RAPGEF2: variants seen among roughly 807,000 people sequenced by gnomAD.
RAPGEF2 encodes Rap guanine nucleotide exchange factor 2.
RAPGEF2 carries 54 observed loss-of-function variants against 186.7 expected under a neutral mutation model. The ratio of observed to expected loss-of-function variants is 0.29; its 90% CI spans 0.23 to 0.36. The LOEUF is 0.36. Ranked by LOEUF, RAPGEF2 falls within the 10% of genes least tolerant of loss-of-function variation. RAPGEF2 has a pLI of 1.00. For missense variants in RAPGEF2, 1,532 were observed against 2,045.0 expected, an observed-to-expected ratio of 0.75 and a Z score of 4.84; for synonymous variants, 712 against 705.9, an observed-to-expected ratio of 1.01 and a Z score of -0.14.
intron 8 of RAPGEF2, among the ~76,000 whole-genome samples, chr4:159,308,930 CAG>C (rs1763628247): frequency 6.6e-6 from 1 of 152,040 alleles, no homozygotes; most frequent in African/African-American, 2.4e-5. Flanking sequence ...ATAATAGTTG[CAG>C]AGAGTAGGAG....
intron 1 of RAPGEF2, among the ~76,000 whole-genome samples, chr4:159,119,620 A>T (rs1361897908): frequency 6.6e-6 from 1 of 152,212 alleles, no homozygotes; most frequent in Non-Finnish European, 1.5e-5. Flanking sequence ...AGCTACGGTT[A>T]TGGAATGCAG....
intron 4 of RAPGEF2, among the ~76,000 whole-genome samples, chr4:159,211,534 A>G (rs1321456050): frequency 6.6e-6 from 1 of 152,176 alleles, no homozygotes; most frequent in East Asian, 1.9e-4. Flanking sequence ...AAATATTCTG[A>G]CTGGGTCAGG....
intron 24 of RAPGEF2, among the ~76,000 whole-genome samples, chr4:159,345,837 C>T (rs1730219103): frequency 6.6e-6 from 1 of 151,874 alleles, no homozygotes; most frequent in Admixed American, 6.5e-5. Flanking sequence ...TCTGGTTAAT[C>T]TATAAATGGG....
intron 1 of RAPGEF2, among the ~76,000 whole-genome samples, chr4:159,170,241 G>C (rs13139868): frequency 8.4e-4 from 128 of 151,890 alleles, no homozygotes; most frequent in Non-Finnish European, 1.4e-3. Context: ...TTCCTATTTT[G>C]AAATTGGGTT....
At chr4:159,282,688 G>A in intron 7 of RAPGEF2, 1 of 441,748 alleles carries the variant, frequency 2.3e-6, no homozygotes, top group Non-Finnish European at 4.5e-6. Flanking sequence ...GTTAACCTTT[G>A]CTTAAGAAAT....
intron 1 of RAPGEF2, among the ~76,000 whole-genome samples, chr4:159,181,213 G>C (rs1746975024): frequency 6.6e-6 from 1 of 152,144 alleles, no homozygotes; most frequent in African/African-American, 2.4e-5. Context: ...GTAGAAACTT[G>C]ATTATTTCAA....
At chr4:159,105,173 G>A (rs966255591) in intron 1 of RAPGEF2, among the ~76,000 whole-genome samples, 1 of 152,186 alleles carries the variant, frequency 6.6e-6, no homozygotes, top group Non-Finnish European at 1.5e-5. Context: ...GTTGCTGACT[G>A]GATAATGACG....
chr4:159,292,558 A>G (rs1436403241), intron 7 of RAPGEF2, among the ~76,000 whole-genome samples: 1 of 152,318 alleles, frequency 6.6e-6, no homozygotes, highest in African/African-American at 2.4e-5. Flanking sequence ...TATAAAGTCT[A>G]TGGAGTCAGA....
intron 9 of RAPGEF2, 124 bp downstream of exon 9, chr4:159,314,892 T>C: frequency 3.2e-6 from 3 of 938,266 alleles, no homozygotes; most frequent in Non-Finnish European, 4.5e-6. Flanking sequence ...ATTTCCTTTG[T>C]ATAAACAGTA....
chr4:159,237,921 G>C (rs920219880), intron 4 of RAPGEF2, among the ~76,000 whole-genome samples: 1 of 150,708 alleles, frequency 6.6e-6, no homozygotes, highest in African/African-American at 2.4e-5. Context: ...GGGAGTCTGA[G>C]GCAGGAGGGT....
At chr4:159,317,053 G>A (rs1009660250) in intron 9 of RAPGEF2, among the ~76,000 whole-genome samples, 8 of 152,246 alleles carry the variant, frequency 5.3e-5, no homozygotes, top group South Asian at 2.1e-4. Context: ...TAAATGAACT[G>A]AATCTGTTGG....
chr4:159,267,170 T>C, intron 7 of RAPGEF2: 1 of 1,285,252 alleles, frequency 7.8e-7, no homozygotes, highest in Non-Finnish European at 1.0e-6. Context: ...CAGACTACAG[T>C]GTCTTGCTTT....
intron 10 of RAPGEF2, among the ~76,000 whole-genome samples, chr4:159,322,767 C>T (rs1765397223): frequency 6.6e-6 from 1 of 152,122 alleles, no homozygotes; most frequent in Non-Finnish European, 1.5e-5. Flanking sequence ...AAAGGCACTT[C>T]TTACATGGCA....
chr4:159,315,039 A>G (rs904029686), intron 9 of RAPGEF2, among the ~76,000 whole-genome samples: 12 of 149,902 alleles, frequency 8.0e-5, no homozygotes, highest in Non-Finnish European at 1.5e-4. Context: ...TTTATGACAA[A>G]AAAAAAAAAA....
intron 28 of RAPGEF2, among the ~76,000 whole-genome samples, chr4:159,355,563 T>G (rs1731850639): frequency 6.6e-6 from 1 of 152,294 alleles, no homozygotes; most frequent in Non-Finnish European, 1.5e-5. Context: ...ATTTTATAGT[T>G]ACAGACCATT....
At chr4:159,297,130 T>C (rs1349143900) in intron 7 of RAPGEF2, among the ~76,000 whole-genome samples, 1 of 152,206 alleles carries the variant, frequency 6.6e-6, no homozygotes, top group Non-Finnish European at 1.5e-5. Flanking sequence ...GCAAGCCATG[T>C]GAAATACTCA....
intron 2 of RAPGEF2, among the ~76,000 whole-genome samples, chr4:159,187,562 A>C (rs2111297280): frequency 6.6e-6 from 1 of 152,350 alleles, no homozygotes; most frequent in East Asian, 1.9e-4. Flanking sequence ...TGCATTAAGT[A>C]GACTACCTTT....
At chr4:159,244,465 C>T (rs1754373594) in intron 7 of RAPGEF2, among the ~76,000 whole-genome samples, 2 of 151,884 alleles carry the variant, frequency 1.3e-5, no homozygotes, top group African/African-American at 4.8e-5. Context: ...TACTAAAGTA[C>T]ATTACTAAAG....
chr4:159,126,172 A>T (rs1250105455), intron 1 of RAPGEF2, among the ~76,000 whole-genome samples: 1 of 152,186 alleles, frequency 6.6e-6, no homozygotes, highest in Non-Finnish European at 1.5e-5. Context: ...GAAAGGATTG[A>T]ATACTATTTA....
Sources: allele counts gnomAD v4.1 joint callset (sites outside exome capture counted in the v4.1 genomes callset), GRCh38; gene constraint gnomAD v4.1.1; transcripts MANE v1.5; gene names NCBI Gene and HGNC (gene_info 2026-07-23, HGNC 2026-07-21).